Variants in HS3ST2 observed in about 807,000 individuals in gnomAD.
HS3ST2 encodes the protein heparan sulfate glucosamine 3-O-sulfotransferase 2.
In HS3ST2, 17 loss-of-function variants were observed where a neutral mutation model predicts 26.3. That is an observed-to-expected ratio of 0.65 (90% CI 0.44 to 0.97). HS3ST2 has a LOEUF of 0.97. Ranked by LOEUF, HS3ST2 falls within the 50% of genes least tolerant of loss-of-function variation. The pLI, the probability that HS3ST2 is intolerant of heterozygous loss-of-function variation, is 0.00. For synonymous variants in HS3ST2, 237 were observed against 219.2 expected (o/e 1.08, Z -0.72); for missense variants, 402 against 501.2 (o/e 0.80, Z 1.89).
intron 1 of HS3ST2, among the ~76,000 whole-genome samples, chr16:22,860,887 T>C (rs1901664437): frequency 1.3e-5 from 2 of 151,148 alleles, no homozygotes; most frequent in African/African-American, 4.9e-5. Context: ...TAATTATATA[T>C]AGACAGACAG....
intron 1 of HS3ST2, among the ~76,000 whole-genome samples, chr16:22,899,311 C>A (rs573057301): frequency 8.5e-4 from 130 of 152,216 alleles, no homozygotes; most frequent in South Asian, 2.3e-3. Flanking sequence ...GGTTGACCGG[C>A]TCCATACTCA....
At chr16:22,851,167 A>AAGTCATTG (rs1460526796) in intron 1 of HS3ST2, among the ~76,000 whole-genome samples, 1 of 152,216 alleles carries the variant, frequency 6.6e-6, no homozygotes, top group Non-Finnish European at 1.5e-5. Context: ...TGCCTTAAGC[A>AAGTCATTG]AGTCATTGAG....
chr16:22,854,639 CTTTT>C (rs35867719), intron 1 of HS3ST2: 10 of 127,350 alleles, frequency 7.9e-5, no homozygotes, highest in Admixed American at 1.5e-4. Flanking sequence ...GTATTAAATG[CTTTT>C]TTTTTTTTTT....
intron 1 of HS3ST2, among the ~76,000 whole-genome samples, chr16:22,900,462 A>G (rs1189422838): frequency 6.6e-6 from 1 of 152,094 alleles, no homozygotes; most frequent in African/African-American, 2.4e-5. Flanking sequence ...TCTGATCATG[A>G]GTGAAGAGAG....
At chr16:22,883,634 A>G (rs922364873) in intron 1 of HS3ST2, among the ~76,000 whole-genome samples, 1 of 152,224 alleles carries the variant, frequency 6.6e-6, no homozygotes, top group Non-Finnish European at 1.5e-5. Context: ...ATATTACACG[A>G]TGGCTAAACT....
intron 1 of HS3ST2, among the ~76,000 whole-genome samples, chr16:22,826,911 C>A (rs1901094659): frequency 1.3e-5 from 2 of 152,120 alleles, no homozygotes; most frequent in Non-Finnish European, 2.9e-5. Context: ...TACTTTTCTA[C>A]AGGGTAGGAA....
chr16:22,828,294 A>G (rs1227218524), intron 1 of HS3ST2, among the ~76,000 whole-genome samples: 1 of 152,148 alleles, frequency 6.6e-6, no homozygotes, highest in Non-Finnish European at 1.5e-5. Context: ...TAAAGGTGAA[A>G]TTAGCCCTCT....
chr16:22,826,962 C>T (rs140063460), intron 1 of HS3ST2, among the ~76,000 whole-genome samples: 64 of 152,224 alleles, frequency 4.2e-4, no homozygotes, highest in Non-Finnish European at 2.2e-4. Flanking sequence ...ATATCTATGT[C>T]AGATGGTGGT....
chr16:22,907,129 T>TA (rs775385066), intron 1 of HS3ST2, among the ~76,000 whole-genome samples: 2 of 152,108 alleles, frequency 1.3e-5, no homozygotes, highest in Admixed American at 6.5e-5. Flanking sequence ...ATCAGAGTCT[T>TA]AAAAAATAAA....
intron 1 of HS3ST2, among the ~76,000 whole-genome samples, chr16:22,886,478 G>A (rs1461016896): frequency 6.6e-6 from 1 of 152,180 alleles, no homozygotes; most frequent in Non-Finnish European, 1.5e-5. Flanking sequence ...TAGACAGCGT[G>A]TAAGCCCAGC....
intron 1 of HS3ST2, among the ~76,000 whole-genome samples, chr16:22,841,259 C>T (rs575457455): frequency 1.3e-5 from 2 of 152,142 alleles, no homozygotes; most frequent in East Asian, 3.9e-4. Flanking sequence ...GACAGCGTTT[C>T]ACTATGTTGC....
intron 1 of HS3ST2, among the ~76,000 whole-genome samples, chr16:22,871,841 C>A (rs1215659867): frequency 2.0e-5 from 3 of 152,204 alleles, no homozygotes; most frequent in Non-Finnish European, 4.4e-5. Context: ...GGGTTAGAAA[C>A]CTGTGTGACT....
intron 1 of HS3ST2, among the ~76,000 whole-genome samples, chr16:22,876,035 A>G (rs192371221): frequency 1.4e-3 from 211 of 152,346 alleles, no homozygotes; most frequent in Non-Finnish European, 2.1e-3. Flanking sequence ...CGTTCACACA[A>G]CAAAGTTGCC....
intron 1 of HS3ST2, among the ~76,000 whole-genome samples, chr16:22,868,400 T>A (rs1901786016): frequency 3.4e-5 from 3 of 87,616 alleles, no homozygotes; most frequent in South Asian, 4.9e-4. Flanking sequence ...AGAGCAAGAC[T>A]CCATCAAAAA....
chr16:22,854,670 A>G (rs1035949345), intron 1 of HS3ST2: 2 of 139,858 alleles, frequency 1.4e-5, no homozygotes, highest in African/African-American at 5.4e-5. Flanking sequence ...ACAGGGTCTC[A>G]CTCTGTCATT....
chr16:22,915,814 T>A lies in HS3ST2; in HGVS notation c.*252T>A. 1.9e-6 allele frequency: 1 copy of A among 515,066 alleles called. No individual in the cohort carries two copies. The allele number at this position is 515,066 out of a possible 1,614,324, so 31.9% of individuals were successfully genotyped here. A position where few individuals can be genotyped will look rare whatever the true frequency, so the allele number is the denominator to read the frequency against. Reference sequence around the variant, plus strand: ...CGTCCAGTAAATTCCAGAATCATTCTCCTTTCTGCCCATAAAGGGCCTTGG... The same window carrying A: ...CGTCCAGTAAATTCCAGAATCATTCACCTTTCTGCCCATAAAGGGCCTTGG... On this transcript the variant is annotated 3_prime_UTR_variant, in exon 2 of 2. Transcript: ENST00000261374.
In HS3ST2 at chr16:22,859,678, C is replaced by T. The variant is rs566093493; in HGVS notation, c.485+44583C>T. On this transcript the variant is annotated intron_variant, in intron 1 of 1. Coordinates refer to ENST00000261374, the MANE Select transcript of HS3ST2 (RefSeq NM_006043.2). ...ACCTCTGATTTCAAAATTCCCACTG[C>T]TAGGCTTGATGGAAAATTCCAGCAA... Among the ~76,000 whole-genome samples, 4 of 152,264 alleles carry T rather than the reference C, an allele frequency of 2.6e-5. No homozygotes were observed. In the East Asian group the frequency reaches 7.7e-4, roughly 29 times the overall value.
chr16:22,896,958 C>T (rs1327882915), intron 1 of HS3ST2, among the ~76,000 whole-genome samples: 1 of 152,160 alleles, frequency 6.6e-6, no homozygotes, highest in African/African-American at 2.4e-5. Context: ...CAGGTATATA[C>T]CACCATGCCT....
intron 1 of HS3ST2, among the ~76,000 whole-genome samples, chr16:22,849,470 G>A (rs1177015300): frequency 6.6e-6 from 1 of 152,114 alleles, no homozygotes; most frequent in African/African-American, 2.4e-5. Context: ...TATTTAGGTG[G>A]ACAGAATAGG....
Sources: gnomAD v4.1 joint callset for allele counts (sites outside exome capture counted in the v4.1 genomes callset) on GRCh38, gnomAD v4.1.1 for gene constraint, MANE v1.5 for transcripts, NCBI Gene and HGNC (gene_info 2026-07-23, HGNC 2026-07-21) for gene names.